ESRRB: variants seen among roughly 807,000 people sequenced by gnomAD.
ESRRB encodes estrogen related receptor beta, also known as steroid hormone receptor ERR2.
In ESRRB, 16 loss-of-function variants were observed where a neutral mutation model predicts 46.0. That is an observed-to-expected ratio of 0.35 (90% confidence interval 0.24 to 0.53). ESRRB has a LOEUF of 0.53. Among genes scored for constraint, ESRRB ranks in the 20% least tolerant of loss-of-function variants. The pLI is 0.93. For missense variants in ESRRB, 488 were observed against 607.4 expected (o/e 0.80, Z 2.07); for synonymous variants, 246 against 259.6 (o/e 0.95, Z 0.50).
intron 1 of ESRRB, among the ~76,000 whole-genome samples, chr14:76,434,516 C>T (rs888216110): frequency 6.6e-6 from 1 of 151,874 alleles, no homozygotes; most frequent in African/African-American, 2.4e-5. Flanking sequence ...AAAAATTAGC[C>T]AGGCGTGGAG....
chr14:76,358,678 G>A (rs1426388451), intron 1 of ESRRB, among the ~76,000 whole-genome samples: 1 of 152,196 alleles, frequency 6.6e-6, no homozygotes, highest in Non-Finnish European at 1.5e-5. Context: ...AAAACACACT[G>A]TGAACTGCAA....
chr14:76,490,562 G>T (rs927257764), intron 5 of ESRRB, among the ~76,000 whole-genome samples: 1 of 152,198 alleles, frequency 6.6e-6, no homozygotes, highest in Non-Finnish European at 1.5e-5. Context: ...TGGAGAAGTT[G>T]CATGGTTTTC....
intron 1 of ESRRB, among the ~76,000 whole-genome samples, chr14:76,363,410 G>A (rs1019623216): frequency 2.6e-5 from 4 of 152,128 alleles, no homozygotes; most frequent in Non-Finnish European, 2.9e-5. Flanking sequence ...GGCAGTGGAC[G>A]GTCTTCCTTT....
intron 3 of ESRRB, among the ~76,000 whole-genome samples, chr14:76,475,936 C>T (rs988669179): frequency 1.3e-5 from 2 of 152,160 alleles, no homozygotes; most frequent in Non-Finnish European, 2.9e-5. Flanking sequence ...TGCCATGCAT[C>T]GCTTACCCAG....
At chr14:76,326,242 T>C (rs1314345677) in intron 1 of ESRRB, among the ~76,000 whole-genome samples, 1 of 151,454 alleles carries the variant, frequency 6.6e-6, no homozygotes, top group Admixed American at 6.6e-5. Context: ...AAAAAAAAGG[T>C]AAAGAAAGAA....
At position 76,462,495 on chromosome 14, in the gene ESRRB, G is replaced by C. The variant is rs374964388; in HGVS notation, c.461-50G>C. 9.1e-6 allele frequency: 13 copies of C among 1,433,612 alleles called. No homozygotes were observed. In the African/African-American group the frequency reaches 1.3e-4, roughly 14 times the overall value. 88.8% of individuals were successfully genotyped at this position (1,433,612 alleles called of 1,614,324 possible). ...CCAGCCAGCCCTGCGCTGGCAGGTG[G>C]GGGCCCTGGGCGGCCAGCACCCGGC... On this transcript the variant is annotated intron_variant, in intron 2 of 6. Coordinates refer to ENST00000644823, the MANE Select transcript of ESRRB (RefSeq NM_001379180.1).
chr14:76,392,615 T>C (rs1408834152), intron 1 of ESRRB, among the ~76,000 whole-genome samples: 6 of 152,180 alleles, frequency 3.9e-5, no homozygotes, highest in African/African-American at 1.4e-4. Flanking sequence ...ACCCTCCTGA[T>C]GTTTTCCCCA....
intron 1 of ESRRB, among the ~76,000 whole-genome samples, chr14:76,337,030 T>C (rs938919389): frequency 1.3e-5 from 2 of 151,536 alleles, no homozygotes; most frequent in Non-Finnish European, 2.9e-5. Context: ...AGAGAAGAGA[T>C]TCAAGCAGAG....
intron 5 of ESRRB, among the ~76,000 whole-genome samples, chr14:76,486,569 T>TC (rs1010002201): frequency 5.4e-5 from 8 of 148,752 alleles, no homozygotes; most frequent in South Asian, 2.1e-4. Context: ...TTTTTTTTTT[T>TC]CCCCCTTCAA....
intron 5 of ESRRB, among the ~76,000 whole-genome samples, chr14:76,485,102 A>G (rs1889954294): frequency 1.3e-5 from 2 of 152,076 alleles, no homozygotes; most frequent in African/African-American, 4.8e-5. Flanking sequence ...TAATTTGCCT[A>G]TTTTGCATAA....
chr14:76,486,388 C>T (rs1021295118), intron 5 of ESRRB, among the ~76,000 whole-genome samples: 4 of 152,142 alleles, frequency 2.6e-5, no homozygotes, highest in Non-Finnish European at 5.9e-5. Flanking sequence ...CCAGGTAGCC[C>T]CCATCTGACT....
chr14:76,327,216 G>T (rs761538959), intron 1 of ESRRB, among the ~76,000 whole-genome samples: 7 of 152,204 alleles, frequency 4.6e-5, no homozygotes, highest in Non-Finnish European at 8.8e-5. Context: ...AGCTGCCTGC[G>T]TGTCACCCAG....
At chr14:76,318,949 T>C (rs1883835628) in intron 1 of ESRRB, among the ~76,000 whole-genome samples, 1 of 152,190 alleles carries the variant, frequency 6.6e-6, no homozygotes, top group Admixed American at 6.5e-5. Flanking sequence ...GTTTAAAACA[T>C]GCTCTCATCC....
intron 1 of ESRRB, among the ~76,000 whole-genome samples, chr14:76,397,272 G>A (rs1260457424): frequency 6.6e-6 from 1 of 152,200 alleles, no homozygotes; most frequent in Non-Finnish European, 1.5e-5. Flanking sequence ...GATGCCTCAG[G>A]AGGGGGCTTG....
chr14:76,329,842 C>T (rs1339293378), intron 1 of ESRRB, among the ~76,000 whole-genome samples: 3 of 152,108 alleles, frequency 2.0e-5, no homozygotes, highest in East Asian at 3.9e-4. Context: ...CCTGTCTTTA[C>T]GAGGGAGCCG....
rs111716273 is a variant in ESRRB, at chr14:76,451,789, ATTTTTTT to A, written c.461-10739_461-10733del. ...AGGTGTGGGCCACCATGCCCAGCTA[ATTTTTTT>A]TTTTTTTTTTTTTTTTAGTAAAGAC... On this transcript the variant is annotated intron_variant, in intron 2 of 6. Coordinates refer to ENST00000644823, the MANE Select transcript of ESRRB (RefSeq NM_001379180.1). Among the ~76,000 whole-genome samples, 30 of 122,772 alleles carry A rather than the reference ATTTTTTT, an allele frequency of 2.4e-4. No individual in the cohort carries two copies. In the East Asian group the frequency reaches 6.8e-3, roughly 28 times the overall value. The allele number at this position is 122,772 out of a possible 152,430, so 80.5% of individuals were successfully genotyped here. A position where few individuals can be genotyped will look rare whatever the true frequency, so the allele number is the denominator to read the frequency against.
chr14:76,455,188 G>A (rs1888554637), intron 2 of ESRRB, among the ~76,000 whole-genome samples: 1 of 152,164 alleles, frequency 6.6e-6, no homozygotes, highest in South Asian at 2.1e-4. Context: ...CTGTCCTCCA[G>A]CCTGGGCGAC....
intron 1 of ESRRB, among the ~76,000 whole-genome samples, chr14:76,316,404 C>T (rs1019606928): frequency 6.6e-6 from 1 of 152,196 alleles, no homozygotes; most frequent in African/African-American, 2.4e-5. Context: ...ACTCCCTCCC[C>T]TCTGCTCCTG....
intron 1 of ESRRB, among the ~76,000 whole-genome samples, chr14:76,377,119 A>G (rs1884802681): frequency 1.3e-5 from 2 of 152,154 alleles, no homozygotes; most frequent in South Asian, 2.1e-4. Context: ...ACAGAAGGGC[A>G]CCATTTCCCT....
Sources: allele counts gnomAD v4.1 joint callset (sites outside exome capture counted in the v4.1 genomes callset), GRCh38; gene constraint gnomAD v4.1.1; transcripts MANE v1.5; gene names NCBI Gene and HGNC (gene_info 2026-07-23, HGNC 2026-07-21).